Variants in PHF14 observed in about 807,000 individuals in gnomAD.
The protein encoded by PHF14 is PHD finger protein 14.
A neutral mutation model predicts 117.9 loss-of-function variants in PHF14; 55 were observed. That is an observed-to-expected ratio of 0.47 (90% CI 0.38 to 0.58). PHF14 has a LOEUF of 0.58. Among genes scored for constraint, PHF14 ranks in the 20% least tolerant of loss-of-function variants. The pLI, the probability that PHF14 is intolerant of heterozygous loss-of-function variation, is 0.00. For missense variants in PHF14, 978 were observed against 1,122.2 expected (o/e 0.87, Z 1.84); for synonymous variants, 409 against 368.6 (o/e 1.11, Z -1.26).
intron 17 of PHF14, among the ~76,000 whole-genome samples, chr7:11,120,968 T>C (rs915807490): frequency 6.6e-6 from 1 of 152,130 alleles, no homozygotes; most frequent in Non-Finnish European, 1.5e-5. Context: ...TTTTTTTCTT[T>C]GTCAAGGTCA....
At chr7:11,089,107 A>C (rs967869455) in intron 16 of PHF14, among the ~76,000 whole-genome samples, 6 of 151,764 alleles carry the variant, frequency 4.0e-5, no homozygotes, top group East Asian at 1.9e-4. Context: ...AAAAAAAAAA[A>C]CCGTAGCCCT....
intron 2 of PHF14, among the ~76,000 whole-genome samples, chr7:10,978,885 T>G: frequency 6.6e-6 from 1 of 152,052 alleles, no homozygotes; most frequent in East Asian, 1.9e-4. Context: ...GAATCGGAAG[T>G]GGAGGATGAG....
At chr7:11,145,733 AG>A (rs1227429308) in intron 17 of PHF14, among the ~76,000 whole-genome samples, 1 of 152,140 alleles carries the variant, frequency 6.6e-6, no homozygotes, top group African/African-American at 2.4e-5. Flanking sequence ...GAGCATAAAA[AG>A]TAACATGCAT....
At chr7:11,037,430 A>G (rs1784350061) in intron 10 of PHF14, among the ~76,000 whole-genome samples, 1 of 152,230 alleles carries the variant, frequency 6.6e-6, no homozygotes, top group Admixed American at 6.5e-5. Context: ...GTCAAGTCAC[A>G]GACTTGACAA....
At chr7:11,082,158 A>G (rs1472244801) in intron 16 of PHF14, among the ~76,000 whole-genome samples, 1 of 152,046 alleles carries the variant, frequency 6.6e-6, no homozygotes, top group Non-Finnish European at 1.5e-5. Flanking sequence ...AGCCTAGGCA[A>G]TGTATCGAGA....
intron 16 of PHF14, chr7:11,108,459 C>T (rs1787341705): frequency 6.6e-6 from 1 of 151,612 alleles, no homozygotes. Context: ...GCTAGAACCT[C>T]AGAGAACTTG....
At chr7:10,998,979 C>T (rs1583346353) in intron 4 of PHF14, among the ~76,000 whole-genome samples, 1 of 152,310 alleles carries the variant, frequency 6.6e-6, no homozygotes, top group South Asian at 2.1e-4. Flanking sequence ...AACATTTAGA[C>T]ATTGGGAAAT....
chr7:10,997,061 T>A (rs1782678787), intron 4 of PHF14, among the ~76,000 whole-genome samples: 1 of 152,244 alleles, frequency 6.6e-6, no homozygotes, highest in South Asian at 2.1e-4. Flanking sequence ...GCCTTTTGCA[T>A]ATTTGCCTCA....
At chr7:11,090,839 A>G (rs1243339245) in intron 16 of PHF14, among the ~76,000 whole-genome samples, 1 of 152,264 alleles carries the variant, frequency 6.6e-6, no homozygotes, top group Non-Finnish European at 1.5e-5. Context: ...AAGTCTTCAT[A>G]TAAACCAAGG....
intron 16 of PHF14, among the ~76,000 whole-genome samples, chr7:11,065,476 A>G (rs990385717): frequency 6.6e-6 from 1 of 152,154 alleles, no homozygotes; most frequent in African/African-American, 2.4e-5. Flanking sequence ...CTTTTGCTGA[A>G]TTAATAAAAA....
intron 16 of PHF14, among the ~76,000 whole-genome samples, chr7:11,075,454 G>A (rs1583439773): frequency 3.3e-5 from 5 of 152,120 alleles, no homozygotes; most frequent in Admixed American, 3.3e-4. Context: ...CAAAGGGGGA[G>A]CTGGCATATC....
chr7:11,150,795 A>G (rs1302900666), intron 17 of PHF14, among the ~76,000 whole-genome samples: 1 of 152,180 alleles, frequency 6.6e-6, no homozygotes, highest in Non-Finnish European at 1.5e-5. Context: ...ACAATGATTC[A>G]GGCTACTTAG....
chr7:11,129,937 A>G (rs1054997900), intron 17 of PHF14, among the ~76,000 whole-genome samples: 5 of 152,050 alleles, frequency 3.3e-5, no homozygotes, highest in Non-Finnish European at 7.4e-5. Flanking sequence ...ACAACATTTC[A>G]ATAGAATTAT....
intron 16 of PHF14, among the ~76,000 whole-genome samples, chr7:11,110,758 AT>A: frequency 6.6e-6 from 1 of 151,990 alleles, no homozygotes; most frequent in Non-Finnish European, 1.5e-5. Flanking sequence ...TGTAAAGGTT[AT>A]TTTTATTTGT....
intron 14 of PHF14, among the ~76,000 whole-genome samples, chr7:11,059,004 C>G (rs1396865691): frequency 6.6e-6 from 1 of 151,930 alleles, no homozygotes; most frequent in Non-Finnish European, 1.5e-5. Context: ...ATGAATATAT[C>G]AGCGATTACC....
At chr7:10,997,316 A>T (rs1427442842) in intron 4 of PHF14, among the ~76,000 whole-genome samples, 1 of 152,170 alleles carries the variant, frequency 6.6e-6, no homozygotes, top group Non-Finnish European at 1.5e-5. Context: ...GTGAGAATAA[A>T]AGAAGGGAAA....
chr7:11,015,507 T>G (rs534105916), intron 5 of PHF14, among the ~76,000 whole-genome samples: 1 of 152,312 alleles, frequency 6.6e-6, no homozygotes, highest in Admixed American at 6.5e-5. Flanking sequence ...GGCCTAGTAT[T>G]AGGGAGTTTA....
At chr7:11,163,183 A>G (rs1297692469) in intron 17 of PHF14, among the ~76,000 whole-genome samples, 2 of 152,160 alleles carry the variant, frequency 1.3e-5, no homozygotes, top group Non-Finnish European at 2.9e-5. Context: ...CTACTTAATG[A>G]TATATGTGTT....
chr7:11,146,797 A>G (rs1162218901), intron 17 of PHF14, among the ~76,000 whole-genome samples: 2 of 152,172 alleles, frequency 1.3e-5, no homozygotes, highest in Non-Finnish European at 2.9e-5. Flanking sequence ...AATAAATGCA[A>G]TTGACTCACT....
Sources: allele counts gnomAD v4.1 joint callset (sites outside exome capture counted in the v4.1 genomes callset), GRCh38; gene constraint gnomAD v4.1.1; transcripts MANE v1.5; gene names NCBI Gene and HGNC (gene_info 2026-07-23, HGNC 2026-07-21).